TRIM43B: variants seen among roughly 807,000 people sequenced by gnomAD.
TRIM43B encodes the protein tripartite motif containing 43B.
Under a neutral mutation model 27.0 loss-of-function variants are expected in TRIM43B, and 15 were observed. The ratio of observed to expected loss-of-function variants is 0.55; its 90% confidence interval spans 0.37 to 0.85. The LOEUF is 0.85. TRIM43B is among the 40% of genes least tolerant of loss of function. The pLI, the probability that TRIM43B is intolerant of heterozygous loss-of-function variation, is 0.00. For synonymous variants in TRIM43B, 69 were observed against 97.8 expected (o/e 0.71, Z 1.74); for missense variants, 172 against 289.8 (o/e 0.59, Z 2.95).
chr2:95,481,685 T>A, exon 3 of TRIM43B: 1 of 1,611,266 alleles, frequency 6.2e-7, no homozygotes, highest in Non-Finnish European at 8.5e-7. Context: ...GCTTTAAGAG[T>A]TTCTCCTGCA....
intron 2 of TRIM43B, 31 bp from the exon 3 acceptor site, chr2:95,481,721 T>A (rs542747976): frequency 6.2e-7 from 1 of 1,601,572 alleles, no homozygotes; most frequent in South Asian, 1.1e-5. Flanking sequence ...GAACAGAAAG[T>A]CAAATACCAA....
intron 3 of TRIM43B, among the ~76,000 whole-genome samples, 191 bp downstream of exon 3, chr2:95,481,404 T>G (rs1212714559): frequency 6.6e-6 from 1 of 152,190 alleles, no homozygotes; most frequent in Non-Finnish European, 1.5e-5. Context: ...ATATTTATTT[T>G]TTACTTATCT....
chr2:95,483,781 T>G (rs1683583025), intron 1 of TRIM43B, among the ~76,000 whole-genome samples: 1 of 151,828 alleles, frequency 6.6e-6, no homozygotes, highest in South Asian at 2.1e-4. Flanking sequence ...TGAGCCGAGA[T>G]AGTGCCACAG....
chr2:95,482,553 T>A lies in TRIM43B; in HGVS notation c.162A>T (p.Ala54=), dbSNP rs1365823993. Residue 54 remains alanine (A), a synonymous_variant, in exon 2 of 7, where the codon GCA becomes GCT. Transcript: ENST00000639673. ...CCATTTTCGGTGATGGTTCCCTGCA[T>A]GCAGGGCAGTTTGCAGGACTTTGGG... 5 of 1,612,618 alleles carry A rather than the reference T, an allele frequency of 3.1e-6. 1 individual carries two copies. The highest frequency in any genetic ancestry group is 4.2e-6 in the Non-Finnish European group (5 of 1,179,212).
chr2:95,480,693 C>G (rs1374256693), intron 3 of TRIM43B, among the ~76,000 whole-genome samples, 158 bp from the exon 4 acceptor site: 3 of 151,876 alleles, frequency 2.0e-5, no homozygotes, highest in Admixed American at 1.3e-4. Context: ...TGTAATTCAT[C>G]AATTCCCAAA....
exon 1 of TRIM43B, chr2:95,484,707 G>A (rs1683610055): frequency 6.6e-6 from 1 of 151,856 alleles, no homozygotes; most frequent in Admixed American, 6.6e-5. Flanking sequence ...GCTTTCGGAA[G>A]TCCCCAAAGC....
At chr2:95,483,765 T>C (rs1683581934) in intron 1 of TRIM43B, among the ~76,000 whole-genome samples, 1 of 151,886 alleles carries the variant, frequency 6.6e-6, no homozygotes, top group Non-Finnish European at 1.5e-5. Flanking sequence ...GAGGCGGAGC[T>C]TGCAGTGAGC....
chr2:95,480,686 A>G (rs1683505982), intron 3 of TRIM43B, among the ~76,000 whole-genome samples, 151 bp from the exon 4 acceptor site: 1 of 151,938 alleles, frequency 6.6e-6, no homozygotes, highest in Non-Finnish European at 1.5e-5. Flanking sequence ...AAATTTATGT[A>G]ATTCATCAAT....
intron 3 of TRIM43B, 45 bp downstream of exon 3, chr2:95,481,550 T>C: frequency 6.8e-7 from 1 of 1,475,792 alleles, no homozygotes; most frequent in Non-Finnish European, 9.1e-7. Flanking sequence ...GTTGTCAGCA[T>C]GCCTGTCTCA....
chr2:95,480,212 G>A (rs1683495954), intron 4 of TRIM43B, 93 bp downstream of exon 4: 5 of 1,495,412 alleles, frequency 3.3e-6, no homozygotes, highest in Non-Finnish European at 4.5e-6. Context: ...CAGTGCAGGA[G>A]ATGAGGAAAT....
chr2:95,480,186 G>A, intron 4 of TRIM43B, 119 bp downstream of exon 4: 1 of 1,449,506 alleles, frequency 6.9e-7, no homozygotes, highest in Non-Finnish European at 9.2e-7. Flanking sequence ...TAACCGGTGG[G>A]AATGACTCTC....
chr2:95,482,855 A>C (rs1185783079), intron 1 of TRIM43B, 137 bp from the exon 2 acceptor site: 1 of 1,480,018 alleles, frequency 6.8e-7, no homozygotes, highest in Non-Finnish European at 9.0e-7. Flanking sequence ...AATGACAGAA[A>C]TAGGAAAAAT....
intron 1 of TRIM43B, 125 bp from the exon 2 acceptor site, chr2:95,482,843 G>T: frequency 4.6e-6 from 7 of 1,506,880 alleles, no homozygotes; most frequent in Admixed American, 4.8e-5. Flanking sequence ...GTTTTAATTT[G>T]CAATGACAGA....
At chr2:95,482,695 T>A in exon 2 of TRIM43B, 1 of 1,613,700 alleles carries the variant, frequency 6.2e-7, no homozygotes, top group Non-Finnish European at 8.5e-7. Flanking sequence ...CTGGAAGGCA[T>A]GTGAGAAGTC....
Position 95,481,782 on chromosome 2 carries a change from T to A in TRIM43B, c.412-92A>T, listed in dbSNP as rs553029034. On this transcript the variant is annotated intron_variant, in intron 2 of 6. Transcript: ENST00000639673. ...GCAGGCAAGGGATCTAATATATAAA[T>A]ACATTAGTGAGAGGAGAAAAAAACA... The A allele has an allele frequency of 2.0e-4, 268 of 1,359,984 alleles. 3 individuals are homozygous for A. In the South Asian group the frequency reaches 3.9e-3, roughly 20 times the overall value. 84.2% of individuals were successfully genotyped at this position (1,359,984 alleles called of 1,614,324 possible). A position where few individuals can be genotyped will look rare whatever the true frequency, so the allele number is the denominator to read the frequency against.
rs1417428648 is a variant in TRIM43B at position 95,482,181 on chromosome 2, T to A, written c.411+123A>T. 71 of 841,356 alleles carry A rather than the reference T, an allele frequency of 8.4e-5. 4 individuals are homozygous for A. In the South Asian group the frequency reaches 1.3e-3, roughly 15 times the overall value. 52.1% of individuals were successfully genotyped at this position (841,356 alleles called of 1,614,324 possible). On this transcript the variant is annotated intron_variant, in intron 2 of 6. Transcript: ENST00000639673. ...ATTTTATTCAAAATGTCATCATTGGTACCTAGAACAGCACCTGGCACTCAG... is the reference window on the plus strand; with the variant it reads ...ATTTTATTCAAAATGTCATCATTGGAACCTAGAACAGCACCTGGCACTCAG...
intron 3 of TRIM43B, 90 bp from the exon 4 acceptor site, chr2:95,480,625 A>G (rs1191830495): frequency 6.8e-7 from 1 of 1,465,446 alleles, no homozygotes; most frequent in African/African-American, 1.4e-5. Flanking sequence ...TCCTTCTTTT[A>G]TTTTCCATCC....
exon 2 of TRIM43B, chr2:95,482,624 C>T: frequency 6.2e-7 from 1 of 1,613,674 alleles, no homozygotes; most frequent in Non-Finnish European, 8.5e-7. Context: ...AAGCTGTGCC[C>T]ACAGCAGATG....
chr2:95,480,562 A>G, intron 3 of TRIM43B, 27 bp from the exon 4 acceptor site: 1 of 1,602,986 alleles, frequency 6.2e-7, no homozygotes, highest in Non-Finnish European at 8.5e-7. Flanking sequence ...TTTGTAGGTT[A>G]TATACCCAGG....
Sources: gnomAD v4.1 joint callset for allele counts (sites outside exome capture counted in the v4.1 genomes callset) on GRCh38, gnomAD v4.1.1 for gene constraint, MANE v1.5 for transcripts, NCBI Gene and HGNC (gene_info 2026-07-23, HGNC 2026-07-21) for gene names.